DROSHA: variants seen among roughly 807,000 people sequenced by gnomAD.
The protein encoded by DROSHA is drosha ribonuclease III.
Under a neutral mutation model 181.9 loss-of-function variants are expected in DROSHA, and 56 were observed. That is an observed-to-expected ratio of 0.31 (90% CI 0.25 to 0.38). DROSHA has a LOEUF of 0.38. DROSHA is among the 10% of genes least tolerant of loss of function. The pLI is 1.00. For missense variants in DROSHA, 1,218 were observed against 1,743.5 expected (o/e 0.70, Z 5.37); for synonymous variants, 524 against 591.2 (o/e 0.89, Z 1.65).
intron 23 of DROSHA, among the ~76,000 whole-genome samples, chr5:31,445,581 G>A (rs1746149351): frequency 6.6e-6 from 1 of 152,146 alleles, no homozygotes; most frequent in South Asian, 2.1e-4. Context: ...GAATACAGCA[G>A]CACATGAGAA....
chr5:31,426,916 T>C (rs1175755377), intron 27 of DROSHA, among the ~76,000 whole-genome samples: 2 of 152,004 alleles, frequency 1.3e-5, no homozygotes, highest in African/African-American at 2.4e-5. Context: ...AGCAGTAGGG[T>C]AGCAATTCAA....
chr5:31,402,842 C>T (rs989492651), intron 35 of DROSHA, among the ~76,000 whole-genome samples: 2 of 152,092 alleles, frequency 1.3e-5, no homozygotes, highest in South Asian at 2.1e-4. Flanking sequence ...CTCGCTGGAG[C>T]GCAGTCCCTC....
chr5:31,484,380 CAAAAAAAAA>C (rs377304788), intron 15 of DROSHA, among the ~76,000 whole-genome samples: 4 of 82,988 alleles, frequency 4.8e-5, no homozygotes, highest in African/African-American at 1.8e-4. Context: ...GACTCCGTCT[CAAAAAAAAA>C]AAAAAAAAAA....
intron 2 of DROSHA, among the ~76,000 whole-genome samples, 171 bp from the exon 3 acceptor site, chr5:31,531,095 T>C (rs904436400): frequency 4.6e-5 from 7 of 152,190 alleles, no homozygotes; most frequent in African/African-American, 1.4e-4. Flanking sequence ...CCAGGCCCTG[T>C]AGACTCAGAG....
At chr5:31,528,416 A>G (rs573862875) in intron 4 of DROSHA, among the ~76,000 whole-genome samples, 1 of 152,248 alleles carries the variant, frequency 6.6e-6, no homozygotes, top group Admixed American at 6.5e-5. Flanking sequence ...AGTATTTCCT[A>G]TCTCAATAAA....
At chr5:31,486,089 A>G (rs1751717135) in intron 14 of DROSHA, among the ~76,000 whole-genome samples, 1 of 152,242 alleles carries the variant, frequency 6.6e-6, no homozygotes, top group South Asian at 2.1e-4. Flanking sequence ...ATATATGGGA[A>G]GAAAAATGAA....
chr5:31,523,625 T>G (rs926941318), intron 5 of DROSHA, among the ~76,000 whole-genome samples: 2 of 152,212 alleles, frequency 1.3e-5, no homozygotes, highest in Admixed American at 6.5e-5. Flanking sequence ...AGAAAACTAT[T>G]TACAAACTAT....
intron 20 of DROSHA, among the ~76,000 whole-genome samples, chr5:31,454,083 T>G (rs1304195877): frequency 6.6e-6 from 1 of 152,178 alleles, no homozygotes; most frequent in African/African-American, 2.4e-5. Flanking sequence ...GAGCTATGTC[T>G]CAGCATCTGT....
chr5:31,444,029 C>T (rs1264209553), intron 23 of DROSHA, among the ~76,000 whole-genome samples: 2 of 152,150 alleles, frequency 1.3e-5, no homozygotes, highest in African/African-American at 2.4e-5. Flanking sequence ...AACAAGAATA[C>T]GTTCCATAAA....
chr5:31,484,165 A>G (rs549830517), intron 15 of DROSHA, among the ~76,000 whole-genome samples: 14 of 152,174 alleles, frequency 9.2e-5, no homozygotes, highest in Admixed American at 9.2e-4. Context: ...AGGTCAGGAT[A>G]TCGAGACCAA....
chr5:31,508,178 A>G (rs1738210676), intron 10 of DROSHA, among the ~76,000 whole-genome samples: 1 of 152,198 alleles, frequency 6.6e-6, no homozygotes, highest in South Asian at 2.1e-4. Context: ...ATGTCCACCT[A>G]TTATGTTTTT....
intron 16 of DROSHA, among the ~76,000 whole-genome samples, chr5:31,477,058 T>TA (rs1281335544): frequency 6.6e-6 from 1 of 152,190 alleles, no homozygotes. Flanking sequence ...AAGCTAAGGT[T>TA]AGCAGGAATT....
At chr5:31,466,341 A>G in intron 18 of DROSHA, 60 bp from the exon 19 acceptor site, 1 of 1,451,922 alleles carries the variant, frequency 6.9e-7, no homozygotes, top group Non-Finnish European at 9.7e-7. Context: ...AAATGCAACA[A>G]AACCAGTTAT....
At position 31,401,463 on chromosome 5, in the gene DROSHA, T is replaced by A; in HGVS notation, c.4094A>T (p.Glu1365Val). 1.9e-6 allele frequency: 3 copies of A among 1,613,164 alleles called. No homozygotes were observed. Among genetic ancestry groups the A allele is most frequent in the Non-Finnish European group, 2.5e-6 (3 of 1,179,372 alleles). The change falls in exon 36 of 36, where the codon GAG becomes GTG. Residue 1365 changes from glutamate (E) to valine (V), a missense_variant. By Grantham distance (121) the Glu-to-Val change is moderately radical. Transcript: ENST00000344624. ...MRWEREHQER[E>V]PDETEDIKK ...CTTGATGTCTTCAGTCTCATCTGGC[T>A]CTCTCTCTTGATGCTCTCTTTCCCA... is the stretch of plus-strand genomic sequence containing the variant.
intron 23 of DROSHA, among the ~76,000 whole-genome samples, chr5:31,446,615 T>A (rs2150012258): frequency 7.0e-6 from 1 of 142,762 alleles, no homozygotes; most frequent in Non-Finnish European, 1.5e-5. Flanking sequence ...AGTTTATGAA[T>A]CAGAAAACTT....
At chr5:31,527,007 C>A in intron 4 of DROSHA, 95 bp from the exon 5 acceptor site, 1 of 1,162,878 alleles carries the variant, frequency 8.6e-7, no homozygotes, top group Non-Finnish European at 1.2e-6. Context: ...TCTTGATGAG[C>A]AACTCAAAGA....
intron 5 of DROSHA, among the ~76,000 whole-genome samples, chr5:31,524,961 G>A (rs1318046375): frequency 6.6e-6 from 1 of 152,152 alleles, no homozygotes; most frequent in African/African-American, 2.4e-5. Context: ...TAAGGAGGCC[G>A]AGGTGAGTGG....
intron 27 of DROSHA, 149 bp downstream of exon 27, chr5:31,429,326 A>T: frequency 1.6e-6 from 1 of 617,092 alleles, no homozygotes; most frequent in East Asian, 3.2e-5. Flanking sequence ...GAGTTGAATA[A>T]GCCATTTTGG....
rs1741309905 is a variant in DROSHA, at chr5:31,411,564, A to G, written c.3526-677T>C. ...GAAAAGATTTAAATTATTTATTTAC[A>G]TTTTTATTTTATTATTATTTTAAAG... is the stretch of plus-strand genomic sequence containing the variant. On this transcript the variant is annotated intron_variant, in intron 30 of 35. Transcript: ENST00000344624. This position sits in a 1 kb window ranked among gnomAD's most constrained non-coding sequence, Gnocchi z 4.2. Among the ~76,000 whole-genome samples, 1 of 152,114 alleles carries G rather than the reference A, an allele frequency of 6.6e-6. No individual in the cohort carries two copies. Among genetic ancestry groups the G allele is most frequent in the African/African-American group, 2.4e-5 (1 of 41,424 alleles).
Sources: allele counts gnomAD v4.1 joint callset (sites outside exome capture counted in the v4.1 genomes callset), GRCh38; gene constraint gnomAD v4.1.1; non-coding constraint Gnocchi (gnomAD v3.1); transcripts MANE v1.5; gene names NCBI Gene and HGNC (gene_info 2026-07-23, HGNC 2026-07-21).